The following FRMD8 variants were observed in gnomAD, a reference collection of about 807,000 sequenced individuals.
FRMD8 encodes the protein FERM domain-containing protein 8.
A neutral mutation model predicts 54.2 loss-of-function variants in FRMD8; 37 were observed. That is an observed-to-expected ratio of 0.68 (90% CI 0.53 to 0.90). The LOEUF is 0.90. Among genes scored for constraint, FRMD8 ranks in the 40% least tolerant of loss-of-function variants. The pLI is 0.00. For missense variants in FRMD8, 585 were observed against 653.7 expected (o/e 0.89, Z 1.15); for synonymous variants, 246 against 286.9 (o/e 0.86, Z 1.44).
chr11:65,376,420 C>A, the FRMD8 span: 2 of 1,613,678 alleles, frequency 1.2e-6, no homozygotes, highest in Non-Finnish European at 1.7e-6. Context: ...TCCCCACCAG[C>A]GGAGGAGATA....
Position 65,388,025 on chromosome 11 carries a change from G to A in FRMD8, c.85+904G>A, listed in dbSNP as rs866604931. On this transcript the variant is annotated intron_variant, in intron 2 of 10. Transcript: ENST00000317568. The stretch of plus-strand genomic sequence containing the variant: ...TACTAAAAATGCAAATTAGCTGGGC[G>A]TGGTGGCACATGCCTGTAATCCCAG... 3.2e-4 allele frequency among the ~76,000 whole-genome samples: 49 copies of A among 152,240 alleles called. No homozygotes were observed. In the Middle Eastern group the frequency reaches 0.01, roughly 32 times the overall value.
At chr11:65,389,606 T>C in intron 3 of FRMD8, 78 bp downstream of exon 3, 3 of 1,422,472 alleles carry the variant, frequency 2.1e-6, no homozygotes, top group Non-Finnish European at 2.8e-6. Context: ...GGGCAGTGTT[T>C]GGAGCCGCTG....
chr11:65,386,751 G>T lies in FRMD8; in HGVS notation c.-11G>T. On this transcript the variant is annotated 5_prime_UTR_variant, in exon 1 of 11. Coordinates refer to ENST00000317568, the MANE Select transcript of FRMD8 (RefSeq NM_031904.5). Reference sequence around the variant, plus strand: ...TTGCCTCTCAGGTGGCGGGCTCTGCGACCCTGCGAGGTGAGAGCACAGCGA... The same window carrying T: ...TTGCCTCTCAGGTGGCGGGCTCTGCTACCCTGCGAGGTGAGAGCACAGCGA... 2.4e-6 allele frequency: 1 copy of T among 425,138 alleles called. No homozygotes were observed. 26.3% of individuals were successfully genotyped at this position (425,138 alleles called of 1,614,324 possible).
At position 65,399,769 on chromosome 11, in the gene FRMD8, G is replaced by C; in HGVS notation, c.837G>C (p.Pro279=). Residue 279 remains proline (P), a synonymous_variant, in exon 8 of 11, where the codon CCG becomes CCC. Coordinates refer to ENST00000317568, the MANE Select transcript of FRMD8 (RefSeq NM_031904.5). ...TCTTCCACGGTGAGGTTGACAAGCCGGCCCAAGGCTTTTTGCACCGGGGTG... is the reference window on the plus strand; with the variant it reads ...TCTTCCACGGTGAGGTTGACAAGCCCGCCCAAGGCTTTTTGCACCGGGGTG... The part of the protein sequence containing the change: ...CAFFHGEVDK[P]AQGFLHRGGR... 2 of 1,614,036 alleles carry C rather than the reference G, an allele frequency of 1.2e-6. No homozygotes were observed. The highest frequency in any genetic ancestry group is 1.7e-6 in the Non-Finnish European group (2 of 1,179,956).
the FRMD8 span, among the ~76,000 whole-genome samples, chr11:65,373,357 G>C: frequency 6.6e-6 from 1 of 152,242 alleles, no homozygotes; most frequent in Non-Finnish European, 1.5e-5. Context: ...AGCAGAGACT[G>C]CTAGAAACTA....
chr11:65,379,399 C>T, the FRMD8 span: 1 of 1,611,532 alleles, frequency 6.2e-7, no homozygotes. Flanking sequence ...CCGGTGCAGC[C>T]CGCTAGGAAG....
chr11:65,389,673 G>A, intron 3 of FRMD8, 145 bp downstream of exon 3: 1 of 811,688 alleles, frequency 1.2e-6, no homozygotes, highest in Non-Finnish European at 1.9e-6. Context: ...ATCCTGAGCT[G>A]TCCACCTGTC....
intron 10 of FRMD8, among the ~76,000 whole-genome samples, chr11:65,407,875 C>T (rs2137940996): frequency 9.4e-6 from 1 of 106,230 alleles, no homozygotes; most frequent in African/African-American, 3.3e-5. Flanking sequence ...CAGAGCGAGA[C>T]TCTGTCTCAA....
intron 10 of FRMD8, among the ~76,000 whole-genome samples, chr11:65,406,487 C>T (rs1240830704): frequency 6.6e-6 from 1 of 151,844 alleles, no homozygotes; most frequent in Admixed American, 6.6e-5. Flanking sequence ...AGCCACTGCA[C>T]CCGGCCCTAA....
At chr11:65,402,353 C>CA (rs879926518) in intron 9 of FRMD8, among the ~76,000 whole-genome samples, 763 of 119,002 alleles carry the variant, frequency 6.4e-3, no homozygotes, top group African/African-American at 0.014. Flanking sequence ...GACTCTGTCT[C>CA]AAAAAAAAAA....
At chr11:65,397,622 A>T (rs768008888) in intron 7 of FRMD8, among the ~76,000 whole-genome samples, 2 of 152,256 alleles carry the variant, frequency 1.3e-5, no homozygotes, top group African/African-American at 2.4e-5. Context: ...GGAGGCAGAG[A>T]GGACTGGCCT....
At chr11:65,372,459 A>ACT in the FRMD8 span, among the ~76,000 whole-genome samples, 1 of 151,930 alleles carries the variant, frequency 6.6e-6, no homozygotes, top group Non-Finnish European at 1.5e-5. Context: ...GAGTCTGGCC[A>ACT]CTCTCTCTGG....
In FRMD8 at chr11:65,390,111, G is replaced by C. The variant is rs373281170; in HGVS notation, c.253+583G>C. Among the ~76,000 whole-genome samples, 3 of 152,110 alleles carry C rather than the reference G, an allele frequency of 2.0e-5. No homozygotes were observed. The East Asian group carries it at 5.8e-4, about 29-fold the overall frequency. On this transcript the variant is annotated intron_variant, in intron 3 of 10. Coordinates refer to ENST00000317568, the MANE Select transcript of FRMD8 (RefSeq NM_031904.5). Reference sequence around the variant, plus strand: ...GCTCTTAGTGAGGGTGGGAAGAGTAGAGACTTGACTTCTCTGGGAGGGGGG... The same window carrying C: ...GCTCTTAGTGAGGGTGGGAAGAGTACAGACTTGACTTCTCTGGGAGGGGGG...
rs1197183170 is a variant in FRMD8, at chr11:65,411,580, C to G, written c.*220C>G. 6 of 452,250 alleles carry G rather than the reference C, an allele frequency of 1.3e-5. No homozygotes were observed. Among genetic ancestry groups the G allele is most frequent in the African/African-American group, 4.0e-5 (2 of 49,614 alleles). The allele number at this position is 452,250 out of a possible 1,614,324, so 28.0% of individuals were successfully genotyped here. ...TCCTGTAGGGCTCCTCTGCAGCCTG[C>G]CCTCCCTTCCCCCGGATGCTGGGCC... is the stretch of plus-strand genomic sequence containing the variant. On this transcript the variant is annotated 3_prime_UTR_variant, in exon 11 of 11. Transcript: ENST00000317568.
Position 65,396,840 on chromosome 11 carries a change from G to C in FRMD8, c.623G>C (p.Arg208Pro). The change falls in exon 7 of 11, where the codon CGG (arginine) becomes CCG (proline). Residue 208 changes from arginine (R) to proline (P), a missense_variant. Transcript: ENST00000317568. ...TTCCTCCCTGCCCACCTCTGTAAGC[G>C]GGGCCAGAGTCTCTTTGCTGCCCTC... Reference protein sequence around the residue: ...DSFLPAHLCKRGQSLFAALRG... With the variant: ...DSFLPAHLCKPGQSLFAALRG... The C allele has an allele frequency of 1.3e-6, 2 of 1,562,370 alleles. No homozygotes were observed. Among genetic ancestry groups the C allele is most frequent in the Non-Finnish European group, 1.7e-6 (2 of 1,154,232 alleles).
Position 65,413,449 on chromosome 11 carries a change from A to C in FRMD8, c.*2089A>C, listed in dbSNP as rs1225605212. The C allele has an allele frequency of 6.6e-6, 1 of 152,196 alleles. No homozygotes were observed. Among genetic ancestry groups the C allele is most frequent in the Admixed American group, 6.5e-5 (1 of 15,274 alleles). 9.4% of individuals were successfully genotyped at this position (152,196 alleles called of 1,614,324 possible). The stretch of plus-strand genomic sequence containing the variant: ...CATTTTCTGCTTGTCCTTTGGGACA[A>C]AGCAGTATTTTACTCATTCTTTGAA... On this transcript the variant is annotated 3_prime_UTR_variant, in exon 11 of 11. Transcript: ENST00000317568.
chr11:65,371,660 C>A, the FRMD8 span, among the ~76,000 whole-genome samples: 12 of 152,180 alleles, frequency 7.9e-5, no homozygotes, highest in Admixed American at 6.6e-4. Context: ...TGTCATCCAG[C>A]CTGGAGTGCA....
intron 3 of FRMD8, 77 bp from the exon 4 acceptor site, chr11:65,393,496 G>A (rs775747938): frequency 2.8e-6 from 3 of 1,067,072 alleles, no homozygotes; most frequent in Admixed American, 3.5e-5. Flanking sequence ...TCGTCATGCT[G>A]TGCGGTGTGA....
chr11:65,399,696 TCTGGTGCTGGCCGGAGGCTGACC>T lies in FRMD8; in HGVS notation c.804-38_804-16del. On this transcript the variant is annotated splice_polypyrimidine_tract_variant and intron_variant, in intron 7 of 10. Transcript: ENST00000317568. ...GCCTCGAGCAGCCTCCCTCAGCATT[TCTGGTGCTGGCCGGAGGCTGACC>T]CCAGTCCCCTCCCCAGGTGTGCCTT... 1.2e-6 allele frequency: 2 copies of T among 1,607,440 alleles called. No individual in the cohort carries two copies. Among genetic ancestry groups the T allele is most frequent in the Non-Finnish European group, 1.7e-6 (2 of 1,176,688 alleles).
Sources: allele counts gnomAD v4.1 joint callset (sites outside exome capture counted in the v4.1 genomes callset), GRCh38; gene constraint gnomAD v4.1.1; transcripts MANE v1.5; gene names NCBI Gene and HGNC (gene_info 2026-07-23, HGNC 2026-07-21).